TSPAN12: variants seen among roughly 807,000 people sequenced by gnomAD.
TSPAN12 encodes the protein tetraspanin-12.
In TSPAN12, 19 loss-of-function variants were observed where a neutral mutation model predicts 39.2. The ratio of observed to expected loss-of-function variants is 0.49; its 90% confidence interval spans 0.34 to 0.71. TSPAN12 has a LOEUF of 0.71. Among genes scored for constraint, TSPAN12 ranks in the 30% least tolerant of loss-of-function variants. The pLI is 0.01. For synonymous variants in TSPAN12, 119 were observed against 124.8 expected (o/e 0.95, Z 0.31); for missense variants, 314 against 359.9 (o/e 0.87, Z 1.03).
intron 7 of TSPAN12, among the ~76,000 whole-genome samples, chr7:120,796,983 G>A (rs545998881): frequency 8.7e-4 from 133 of 152,190 alleles, no homozygotes; most frequent in Non-Finnish European, 1.3e-3. Context: ...GTGAAACCCC[G>A]TCTCTACTAA....
At chr7:120,821,946 A>G (rs1296806701) in intron 4 of TSPAN12, among the ~76,000 whole-genome samples, 9 of 152,198 alleles carry the variant, frequency 5.9e-5, no homozygotes, top group Admixed American at 5.9e-4. Flanking sequence ...GGTATTTTCC[A>G]AAACATCTTT....
At chr7:120,799,695 TATA>T (rs1793720029) in intron 7 of TSPAN12, among the ~76,000 whole-genome samples, 1 of 124,848 alleles carries the variant, frequency 8.0e-6, no homozygotes, top group Non-Finnish European at 1.6e-5. Context: ...AATTTAATTA[TATA>T]ATTATTATAT....
chr7:120,834,114 G>A (rs6466761), intron 4 of TSPAN12, among the ~76,000 whole-genome samples: 59,402 of 151,844 alleles, frequency 0.39, 14,009 homozygotes, highest in African/African-American at 0.67. Flanking sequence ...TTTCACACTT[G>A]CTAAGAACAA....
At chr7:120,816,577 A>T (rs940492118) in intron 4 of TSPAN12, among the ~76,000 whole-genome samples, 3 of 152,108 alleles carry the variant, frequency 2.0e-5, no homozygotes, top group Non-Finnish European at 4.4e-5. Context: ...CAGGAAACAG[A>T]TCCATCTAGC....
At chr7:120,853,883 A>AG (rs1562955586) in intron 2 of TSPAN12, among the ~76,000 whole-genome samples, 6 of 151,544 alleles carry the variant, frequency 4.0e-5, no homozygotes, top group Non-Finnish European at 8.8e-5. Flanking sequence ...AAAAAAAAAA[A>AG]AAAAAGAAAA....
At chr7:120,800,067 G>T (rs926192151) in intron 7 of TSPAN12, among the ~76,000 whole-genome samples, 2 of 151,590 alleles carry the variant, frequency 1.3e-5, no homozygotes, top group African/African-American at 2.4e-5. Context: ...AAAGTGTTGA[G>T]AACTAAAATA....
At chr7:120,798,100 G>C (rs1793667584) in intron 7 of TSPAN12, among the ~76,000 whole-genome samples, 1 of 152,176 alleles carries the variant, frequency 6.6e-6, no homozygotes, top group Admixed American at 6.5e-5. Flanking sequence ...TGATTGAATA[G>C]ACAGAATAGA....
At chr7:120,841,139 C>T (rs1008404007) in intron 2 of TSPAN12, among the ~76,000 whole-genome samples, 1 of 152,152 alleles carries the variant, frequency 6.6e-6, no homozygotes, top group African/African-American at 2.4e-5. Flanking sequence ...ATGATCCAGA[C>T]CACACTGGTC....
intron 5 of TSPAN12, among the ~76,000 whole-genome samples, chr7:120,814,417 G>A (rs1237345990): frequency 6.6e-6 from 1 of 152,094 alleles, no homozygotes; most frequent in Admixed American, 6.5e-5. Context: ...GCCCAATAAC[G>A]CATATTTTTA....
intron 7 of TSPAN12, among the ~76,000 whole-genome samples, chr7:120,793,944 A>G (rs1333367835): frequency 6.6e-6 from 1 of 152,210 alleles, no homozygotes; most frequent in Non-Finnish European, 1.5e-5. Context: ...TGAGGTTAGA[A>G]TGTTTGCTCT....
chr7:120,839,625 C>A (rs1439726021), intron 3 of TSPAN12, among the ~76,000 whole-genome samples: 1 of 151,842 alleles, frequency 6.6e-6, no homozygotes, highest in African/African-American at 2.4e-5. Context: ...GTAGATTAAC[C>A]CTTGAAATTT....
intron 4 of TSPAN12, among the ~76,000 whole-genome samples, chr7:120,832,812 A>C (rs1183319041): frequency 6.6e-6 from 1 of 152,160 alleles, no homozygotes; most frequent in Non-Finnish European, 1.5e-5. Context: ...TGACAAGATA[A>C]GCAAAAATGA....
At chr7:120,849,652 G>A (rs1474003169) in intron 2 of TSPAN12, among the ~76,000 whole-genome samples, 1 of 152,160 alleles carries the variant, frequency 6.6e-6, no homozygotes, top group Non-Finnish European at 1.5e-5. Flanking sequence ...TATAGAAAAG[G>A]ACTTCGACAA....
chr7:120,800,639 T>C (rs1000550121), intron 7 of TSPAN12, among the ~76,000 whole-genome samples: 1 of 152,084 alleles, frequency 6.6e-6, no homozygotes, highest in South Asian at 2.1e-4. Flanking sequence ...CTTGCCCGTG[T>C]TGTATTCTGA....
At chr7:120,802,998 T>C (rs564818228) in intron 7 of TSPAN12, among the ~76,000 whole-genome samples, 24 of 152,318 alleles carry the variant, frequency 1.6e-4, no homozygotes, top group African/African-American at 5.5e-4. Flanking sequence ...AGCCAGTTTT[T>C]ATCTCTGAGC....
rs909432995 is a variant in TSPAN12, at chr7:120,852,578, TC to T, written c.66+4119del. On this transcript the variant is annotated intron_variant, in intron 2 of 7. Coordinates refer to ENST00000222747, the MANE Select transcript of TSPAN12 (RefSeq NM_012338.4). ...CAGATAGAACGCACAACATACTAAA[TC>T]CAAATCTGCATTTTAACAAGATCTC... 2.2e-4 allele frequency among the ~76,000 whole-genome samples: 33 copies of T among 152,280 alleles called. 1 individual carries two copies. The highest frequency in any genetic ancestry group is 7.9e-4 in the African/African-American group (33 of 41,556).
chr7:120,801,935 A>T (rs149420686), intron 7 of TSPAN12, among the ~76,000 whole-genome samples: 1,812 of 152,302 alleles, frequency 0.012, 18 homozygotes, highest in African/African-American at 0.026. Flanking sequence ...TTTTTGCAGT[A>T]TCATTTTTTC....
chr7:120,793,472 C>T (rs1359675209), intron 7 of TSPAN12, among the ~76,000 whole-genome samples: 1 of 152,170 alleles, frequency 6.6e-6, no homozygotes, highest in Non-Finnish European at 1.5e-5. Flanking sequence ...AAGCAAAGGT[C>T]CTACCTAGTT....
intron 7 of TSPAN12, among the ~76,000 whole-genome samples, chr7:120,799,769 TTTAA>T (rs1445949808): frequency 7.4e-6 from 1 of 134,412 alleles, no homozygotes; most frequent in African/African-American, 2.8e-5. Flanking sequence ...ATACATATAA[TTTAA>T]TTAAATTATA....
Sources: allele counts gnomAD v4.1 joint callset (sites outside exome capture counted in the v4.1 genomes callset), GRCh38; gene constraint gnomAD v4.1.1; transcripts MANE v1.5; gene names NCBI Gene and HGNC (gene_info 2026-07-23, HGNC 2026-07-21).